NLGN1: variants seen among roughly 807,000 people sequenced by gnomAD.
The protein encoded by NLGN1 is neuroligin-1.
NLGN1 carries 12 observed loss-of-function variants against 65.5 expected under a neutral mutation model. That is an observed-to-expected ratio of 0.18 (90% confidence interval 0.12 to 0.30). The LOEUF is 0.30. Ranked by LOEUF, NLGN1 falls within the 10% of genes least tolerant of loss-of-function variation. NLGN1 has a pLI of 1.00. For synonymous variants in NLGN1, 350 were observed against 359.5 expected (o/e 0.97, Z 0.30); for missense variants, 750 against 1,007.1 (o/e 0.74, Z 3.46).
chr3:173,475,437 C>T (rs1726038064), intron 2 of NLGN1, among the ~76,000 whole-genome samples: 1 of 152,106 alleles, frequency 6.6e-6, no homozygotes, highest in Non-Finnish European at 1.5e-5. Flanking sequence ...CATGCTGTCT[C>T]AAACATTTAA....
At chr3:173,887,811 C>G (rs1734634949) in intron 4 of NLGN1, among the ~76,000 whole-genome samples, 1 of 151,822 alleles carries the variant, frequency 6.6e-6, no homozygotes, top group South Asian at 2.1e-4. Context: ...GTTTTTAAAA[C>G]TATCAATCTG....
At chr3:173,819,727 A>G (rs2150523791) in intron 4 of NLGN1, among the ~76,000 whole-genome samples, 1 of 152,302 alleles carries the variant, frequency 6.6e-6, no homozygotes, top group African/African-American at 2.4e-5. Flanking sequence ...ACTGCTTAAT[A>G]TGGTAGATGA....
intron 3 of NLGN1, among the ~76,000 whole-genome samples, chr3:173,792,582 C>T (rs1713041842): frequency 6.6e-6 from 1 of 151,974 alleles, no homozygotes; most frequent in Non-Finnish European, 1.5e-5. Flanking sequence ...GAATAAAATA[C>T]ACAAGGTCTA....
At chr3:173,418,170 A>C in intron 1 of NLGN1, among the ~76,000 whole-genome samples, 1 of 141,924 alleles carries the variant, frequency 7.0e-6, no homozygotes, top group Admixed American at 7.2e-5. Context: ...TATGTGAAAT[A>C]TTAGAAGGCA....
chr3:173,538,121 C>T (rs1043488188), intron 2 of NLGN1, among the ~76,000 whole-genome samples: 1 of 152,180 alleles, frequency 6.6e-6, no homozygotes, highest in Non-Finnish European at 1.5e-5. Flanking sequence ...GTGACTGGTA[C>T]TACTTCTGTT....
At chr3:173,933,099 G>T (rs552272843) in intron 4 of NLGN1, among the ~76,000 whole-genome samples, 30 of 152,238 alleles carry the variant, frequency 2.0e-4, no homozygotes, top group African/African-American at 6.5e-4. Context: ...GAAAGTAGGA[G>T]AGGCCTCAGT....
intron 2 of NLGN1, among the ~76,000 whole-genome samples, chr3:173,509,605 G>A (rs1732596822): frequency 6.6e-6 from 1 of 152,134 alleles, no homozygotes; most frequent in South Asian, 2.1e-4. Flanking sequence ...GGTGATGGGA[G>A]CGAGACCCTG....
rs139892002 is a variant in NLGN1, at chr3:174,028,816, C to T, written c.646+220984C>T. ...TCTCCAAGGGCATGTCAGAGGTATT[C>T]ATGGCAGCCCCTCTCATCACAGGCC... is the stretch of plus-strand genomic sequence containing the variant. On this transcript the variant is annotated intron_variant, in intron 4 of 6. Transcript: ENST00000457714. Among the ~76,000 whole-genome samples the T allele has an allele frequency of 2.8e-3, 427 of 152,316 alleles. 1 individual carries two copies. The highest frequency in any genetic ancestry group is 9.8e-3 in the African/African-American group (408 of 41,580).
intron 4 of NLGN1, among the ~76,000 whole-genome samples, chr3:174,219,940 G>A (rs568513127): frequency 6.6e-6 from 1 of 152,220 alleles, no homozygotes; most frequent in African/African-American, 2.4e-5. Context: ...GCCAGCAGGT[G>A]TCAGACAGAG....
intron 2 of NLGN1, among the ~76,000 whole-genome samples, chr3:173,575,100 TG>T (rs1225836507): frequency 6.6e-6 from 1 of 152,120 alleles, no homozygotes; most frequent in Non-Finnish European, 1.5e-5. Context: ...TTGCCAAAGC[TG>T]GTCTCAAATT....
chr3:173,722,000 A>G (rs1425867372), intron 3 of NLGN1, among the ~76,000 whole-genome samples: 3 of 151,780 alleles, frequency 2.0e-5, no homozygotes, highest in Admixed American at 2.0e-4. Context: ...AAGGGTTTTC[A>G]AGTACTTCTC....
chr3:174,189,148 C>A (rs1479934864), intron 4 of NLGN1, among the ~76,000 whole-genome samples: 1 of 151,946 alleles, frequency 6.6e-6, no homozygotes, highest in Non-Finnish European at 1.5e-5. Flanking sequence ...GACCATTTAG[C>A]TTCTGGACAT....
chr3:173,515,213 T>C (rs1338540467), intron 2 of NLGN1, among the ~76,000 whole-genome samples: 1 of 152,186 alleles, frequency 6.6e-6, no homozygotes, highest in Non-Finnish European at 1.5e-5. Flanking sequence ...CGACATGATA[T>C]CTCATTGTGG....
chr3:173,869,265 G>T (rs913446241), intron 4 of NLGN1, among the ~76,000 whole-genome samples: 14 of 152,124 alleles, frequency 9.2e-5, no homozygotes, highest in Admixed American at 2.6e-4. Flanking sequence ...AATTGTTCCT[G>T]TTTGACAAAA....
chr3:173,767,219 C>G (rs766429006), intron 3 of NLGN1, among the ~76,000 whole-genome samples: 2 of 152,128 alleles, frequency 1.3e-5, no homozygotes, highest in East Asian at 3.9e-4. Flanking sequence ...AAAATTGGTA[C>G]TGAAAACAAT....
intron 3 of NLGN1, among the ~76,000 whole-genome samples, chr3:173,708,535 A>G (rs1309080439): frequency 6.6e-6 from 1 of 152,190 alleles, no homozygotes; most frequent in African/African-American, 2.4e-5. Context: ...AGAGGCCTGC[A>G]TAGACTTTGG....
chr3:173,568,589 A>C (rs1406785230), intron 2 of NLGN1, among the ~76,000 whole-genome samples: 1 of 152,218 alleles, frequency 6.6e-6, no homozygotes, highest in Non-Finnish European at 1.5e-5. Flanking sequence ...TTCCTTGAGC[A>C]ACAGTGAACA....
At chr3:174,162,231 A>G (rs1726686019) in intron 4 of NLGN1, among the ~76,000 whole-genome samples, 1 of 151,876 alleles carries the variant, frequency 6.6e-6, no homozygotes, top group Non-Finnish European at 1.5e-5. Context: ...AAACTCTCAT[A>G]TTCTTAGGTT....
At chr3:173,422,146 T>TACACACACACAC (rs1553846239) in intron 1 of NLGN1, among the ~76,000 whole-genome samples, 75 of 130,318 alleles carry the variant, frequency 5.8e-4, no homozygotes, top group African/African-American at 1.9e-3. Context: ...ACACTATATA[T>TACACACACACAC]ACACACACAC....
Sources: gnomAD v4.1 joint callset for allele counts (sites outside exome capture counted in the v4.1 genomes callset) on GRCh38, gnomAD v4.1.1 for gene constraint, MANE v1.5 for transcripts, NCBI Gene and HGNC (gene_info 2026-07-23, HGNC 2026-07-21) for gene names.